The following METTL8 variants were observed in gnomAD, a reference collection of about 807,000 sequenced individuals.
METTL8 encodes the protein methyltransferase 8, tRNA N3-cytidine, also known as tRNA N(3)-cytidine methyltransferase METTL8, mitochondrial.
Under a neutral mutation model 48.7 loss-of-function variants are expected in METTL8, and 32 were observed. The observed-to-expected ratio is 0.66, with a 90% CI of 0.50 to 0.88. The LOEUF is 0.88. Among genes scored for constraint, METTL8 ranks in the 40% least tolerant of loss-of-function variants. The pLI is 0.00. For synonymous variants in METTL8, 136 were observed against 157.1 expected, an observed-to-expected ratio of 0.87 and a Z score of 1.01; for missense variants, 464 against 474.4, an observed-to-expected ratio of 0.98 and a Z score of 0.20.
At chr2:171,421,387 G>A (rs1184448582) in intron 1 of METTL8, among the ~76,000 whole-genome samples, 1 of 152,002 alleles carries the variant, frequency 6.6e-6, no homozygotes, top group Non-Finnish European at 1.5e-5. Flanking sequence ...TTTAATGCAC[G>A]ATGATCACAC....
chr2:171,376,778 A>T (rs1007808863), intron 2 of METTL8, among the ~76,000 whole-genome samples: 2 of 152,212 alleles, frequency 1.3e-5, no homozygotes, highest in African/African-American at 4.8e-5. Flanking sequence ...CGTACTGCCA[A>T]AAGCAATCTA....
At chr2:171,404,052 C>CATATATAT (rs60563600) in intron 1 of METTL8, among the ~76,000 whole-genome samples, 2,029 of 43,758 alleles carry the variant, frequency 0.046, 267 homozygotes, top group Non-Finnish European at 0.054. Flanking sequence ...TATGCTTTCT[C>CATATATAT]ATATATATAT....
chr2:171,386,126 A>G (rs1688026060), intron 2 of METTL8, among the ~76,000 whole-genome samples: 1 of 152,226 alleles, frequency 6.6e-6, no homozygotes, highest in Non-Finnish European at 1.5e-5. Context: ...AACAGAACTT[A>G]AATCAGTAGG....
chr2:171,350,362 C>T (rs7349355), intron 3 of METTL8, among the ~76,000 whole-genome samples: 52,835 of 152,056 alleles, frequency 0.35, 9,784 homozygotes, highest in African/African-American at 0.47. Context: ...CAGTCTATCA[C>T]TGATGGACAT....
chr2:171,370,619 A>G (rs1019272724), intron 2 of METTL8, among the ~76,000 whole-genome samples: 1 of 151,916 alleles, frequency 6.6e-6, no homozygotes, highest in Non-Finnish European at 1.5e-5. Flanking sequence ...GTGAAACCCC[A>G]TCTCTACTAA....
At chr2:171,413,596 CAATT>C (rs1016563695) in intron 1 of METTL8, among the ~76,000 whole-genome samples, 2 of 151,936 alleles carry the variant, frequency 1.3e-5, no homozygotes, top group Non-Finnish European at 2.9e-5. Flanking sequence ...AATATTTAAA[CAATT>C]AATTTTTTCT....
At chr2:171,336,364 G>T (rs1399381051) in intron 5 of METTL8, among the ~76,000 whole-genome samples, 3 of 149,416 alleles carry the variant, frequency 2.0e-5, no homozygotes, top group African/African-American at 7.4e-5. Context: ...CAAAGTGCTG[G>T]GATTACAGGC....
intron 2 of METTL8, among the ~76,000 whole-genome samples, chr2:171,370,335 T>C (rs1256652892): frequency 6.6e-6 from 1 of 152,228 alleles, no homozygotes; most frequent in East Asian, 1.9e-4. Context: ...TACTTCCTCC[T>C]GGATCAACTT....
intron 2 of METTL8, among the ~76,000 whole-genome samples, chr2:171,387,154 T>A (rs1688139927): frequency 6.6e-6 from 1 of 152,214 alleles, no homozygotes; most frequent in Non-Finnish European, 1.5e-5. Context: ...GGCAGGGGTA[T>A]AACTGAGCTA....
At chr2:171,334,606 A>C (rs1685891697) in intron 5 of METTL8, among the ~76,000 whole-genome samples, 1 of 152,230 alleles carries the variant, frequency 6.6e-6, no homozygotes. Flanking sequence ...AAGCAGAAAA[A>C]AAAAGTCTAA....
At chr2:171,364,107 G>A (rs1008316716) in intron 2 of METTL8, among the ~76,000 whole-genome samples, 1 of 151,720 alleles carries the variant, frequency 6.6e-6, no homozygotes, top group African/African-American at 2.4e-5. Flanking sequence ...GCCACTGCGC[G>A]CCCGGCCAAA....
intron 1 of METTL8, among the ~76,000 whole-genome samples, chr2:171,430,404 G>A (rs148408858): frequency 2.8e-3 from 431 of 152,212 alleles, no homozygotes; most frequent in African/African-American, 9.4e-3. Flanking sequence ...GGGGCTAGGG[G>A]AGGGATAGCA....
intron 6 of METTL8, among the ~76,000 whole-genome samples, chr2:171,331,206 G>C (rs1300185403): frequency 6.6e-6 from 1 of 152,148 alleles, no homozygotes; most frequent in Admixed American, 6.5e-5. Context: ...CGCCTCCTGG[G>C]TTCAAGCCAT....
At position 171,372,503 on chromosome 2, in the gene METTL8, C is replaced by T. The variant is rs564803153; in HGVS notation, c.144-11990G>A. Reference sequence around the variant, plus strand: ...TTTTATTATTATTATTATTATTATACTTTAAGTTCTAGGGTACATGTGCAC... The same window carrying T: ...TTTTATTATTATTATTATTATTATATTTTAAGTTCTAGGGTACATGTGCAC... On this transcript the variant is annotated intron_variant, in intron 2 of 9. Transcript: ENST00000375258. Among the ~76,000 whole-genome samples the T allele has an allele frequency of 7.5e-4, 113 of 151,668 alleles. 2 individuals carry two copies. The South Asian group carries it at 0.021, about 28-fold the overall frequency.
chr2:171,330,604 T>A lies in METTL8; in HGVS notation c.815A>T (p.Asp272Val). 1 of 1,613,940 alleles carries A rather than the reference T, an allele frequency of 6.2e-7. No homozygotes were observed. The highest frequency in any genetic ancestry group is 1.3e-5 in the African/African-American group (1 of 75,016). ...LPYPFPDGIL[D>V]VILLVFVLSS... ...GAGCACAAAGACAAGGAGAATGACA[T>A]CCAGGATCCCATCTGGAAAAGGGTA... The change falls in exon 7 of 10, where the codon GAT becomes GTT. Residue 272 changes from aspartate (D) to valine (V), a missense_variant. Transcript: ENST00000375258.
At chr2:171,376,762 A>T (rs538847046) in intron 2 of METTL8, among the ~76,000 whole-genome samples, 102 of 152,340 alleles carry the variant, frequency 6.7e-4, no homozygotes, top group Non-Finnish European at 1.0e-3. Context: ...ATATTGTAAA[A>T]ATTACCGTAC....
chr2:171,331,946 C>T (rs749500081), intron 5 of METTL8, 79 bp from the exon 6 acceptor site: 24 of 1,018,776 alleles, frequency 2.4e-5, no homozygotes, highest in South Asian at 4.2e-5. Flanking sequence ...AGTGTAGTAA[C>T]GTGACCATAG....
chr2:171,408,288 GT>G (rs1216637352), intron 1 of METTL8, among the ~76,000 whole-genome samples: 1 of 136,350 alleles, frequency 7.3e-6, no homozygotes, highest in African/African-American at 3.3e-5. Flanking sequence ...GAATTCTACA[GT>G]TTTTTTGTTT....
intron 1 of METTL8, among the ~76,000 whole-genome samples, chr2:171,393,662 C>T (rs942711064): frequency 6.6e-6 from 1 of 152,156 alleles, no homozygotes; most frequent in African/African-American, 2.4e-5. Flanking sequence ...TCACAACATT[C>T]AGCCTAATGC....
Sources: gnomAD v4.1 joint callset for allele counts (sites outside exome capture counted in the v4.1 genomes callset) on GRCh38, gnomAD v4.1.1 for gene constraint, MANE v1.5 for transcripts, NCBI Gene and HGNC (gene_info 2026-07-23, HGNC 2026-07-21) for gene names.